TNIK: variants seen among roughly 807,000 people sequenced by gnomAD.
The protein encoded by TNIK is TRAF2 and NCK-interacting protein kinase.
Under a neutral mutation model 191.3 loss-of-function variants are expected in TNIK, and 49 were observed. That is an observed-to-expected ratio of 0.26 (90% CI 0.20 to 0.32). TNIK has a LOEUF of 0.32. TNIK is among the 10% of genes least tolerant of loss of function. The pLI, the probability that TNIK is intolerant of heterozygous loss-of-function variation, is 1.00. For synonymous variants in TNIK, 594 were observed against 600.9 expected, an observed-to-expected ratio of 0.99 and a Z score of 0.17; for missense variants, 1,155 against 1,702.3, an observed-to-expected ratio of 0.68 and a Z score of 5.66.
chr3:171,078,657 T>C (rs772420982), intron 28 of TNIK, among the ~76,000 whole-genome samples: 2 of 152,216 alleles, frequency 1.3e-5, no homozygotes, highest in Non-Finnish European at 2.9e-5. Context: ...TCCTTCATAT[T>C]TGTGAATTTC....
chr3:171,305,711 T>A (rs1400092635), intron 2 of TNIK, among the ~76,000 whole-genome samples: 1 of 151,948 alleles, frequency 6.6e-6, no homozygotes, highest in Non-Finnish European at 1.5e-5. Context: ...AAGTAAAAAA[T>A]TAACAGATGC....
At chr3:171,212,443 GTCCCATTAC>G (rs1237325508) in intron 3 of TNIK, among the ~76,000 whole-genome samples, 1 of 152,082 alleles carries the variant, frequency 6.6e-6, no homozygotes, top group Admixed American at 6.6e-5. Flanking sequence ...ATGGAGGTAT[GTCCCATTAC>G]TCGACTCTCT....
intron 1 of TNIK, among the ~76,000 whole-genome samples, chr3:171,436,119 C>T (rs1038928460): frequency 1.2e-4 from 19 of 152,324 alleles, no homozygotes; most frequent in African/African-American, 4.6e-4. Flanking sequence ...AACTCCCACT[C>T]CTGACCTTCC....
chr3:171,392,224 C>A lies in TNIK; in HGVS notation c.58-22539G>T, dbSNP rs144771089. On this transcript the variant is annotated intron_variant, in intron 1 of 32. Transcript: ENST00000436636. ...ATACTGGGAAATAGGGACAGTGATA[C>A]AAATGACAATAAGATAAAACAATAA... Among the ~76,000 whole-genome samples, 399 of 152,182 alleles carry A rather than the reference C, an allele frequency of 2.6e-3. 1 individual carries two copies. The highest frequency in any genetic ancestry group is 8.7e-3 in the African/African-American group (363 of 41,512).
intron 2 of TNIK, among the ~76,000 whole-genome samples, chr3:171,307,779 AC>A (rs1021034068): frequency 1.3e-5 from 2 of 152,096 alleles, no homozygotes; most frequent in African/African-American, 4.8e-5. Flanking sequence ...GATCTCTGAG[AC>A]CCTTTCAGGG....
intron 15 of TNIK, among the ~76,000 whole-genome samples, chr3:171,129,984 T>C (rs1414379833): frequency 6.6e-6 from 1 of 152,220 alleles, no homozygotes. Context: ...ACCAGGACAA[T>C]GCAACCATTC....
Position 171,068,845 on chromosome 3 carries a change from T to C in TNIK, c.3699+3A>G. 2.5e-6 allele frequency: 4 copies of C among 1,611,970 alleles called. No individual in the cohort carries two copies. The highest frequency in any genetic ancestry group is 3.4e-6 in the Non-Finnish European group (4 of 1,178,966). ...CCTTGAAAGTCTACTTCTGAGTACT[T>C]ACATGAGATGGTATGTAGATATCAT... On this transcript the variant is annotated splice_donor_region_variant and intron_variant, in intron 30 of 32. Transcript: ENST00000436636.
intron 10 of TNIK, among the ~76,000 whole-genome samples, chr3:171,162,023 C>A (rs1201882150): frequency 1.3e-5 from 2 of 152,282 alleles, no homozygotes; most frequent in Non-Finnish European, 2.9e-5. Context: ...ATGGTATTAA[C>A]CATTTTTAAA....
intron 13 of TNIK, among the ~76,000 whole-genome samples, chr3:171,139,821 C>A (rs920722688): frequency 6.6e-6 from 1 of 152,126 alleles, no homozygotes; most frequent in Non-Finnish European, 1.5e-5. Context: ...TTAATAAGCC[C>A]AGCTACATGT....
chr3:171,295,544 T>C (rs1752197229), intron 2 of TNIK, among the ~76,000 whole-genome samples: 1 of 152,218 alleles, frequency 6.6e-6, no homozygotes, highest in Non-Finnish European at 1.5e-5. Flanking sequence ...GTAATCACAA[T>C]TTACCAATCC....
chr3:171,065,548 C>T (rs1338072785), intron 32 of TNIK, among the ~76,000 whole-genome samples: 2 of 152,210 alleles, frequency 1.3e-5, no homozygotes, highest in Non-Finnish European at 2.9e-5. Flanking sequence ...GGTTACTCTA[C>T]AGGGAGGGTA....
At chr3:171,072,770 C>T (rs1463648200) in intron 28 of TNIK, among the ~76,000 whole-genome samples, 1 of 151,874 alleles carries the variant, frequency 6.6e-6, no homozygotes, top group African/African-American at 2.4e-5. Context: ...CAATAATGCT[C>T]AAGCTGAGAA....
chr3:171,316,970 TATG>T (rs1288322390), intron 2 of TNIK, among the ~76,000 whole-genome samples: 5 of 139,318 alleles, frequency 3.6e-5, no homozygotes, highest in Non-Finnish European at 4.6e-5. Context: ...TATATAATTA[TATG>T]ATATATATCA....
intron 2 of TNIK, among the ~76,000 whole-genome samples, chr3:171,324,674 G>A (rs1221962959): frequency 2.0e-5 from 3 of 152,078 alleles, no homozygotes; most frequent in Non-Finnish European, 4.4e-5. Flanking sequence ...GAGGACTGCA[G>A]GTAGCTAAGC....
chr3:171,237,732 A>G (rs1271628231), intron 2 of TNIK, among the ~76,000 whole-genome samples: 1 of 152,120 alleles, frequency 6.6e-6, no homozygotes, highest in Non-Finnish European at 1.5e-5. Context: ...GACCAGCCTG[A>G]GCAATATAGT....
chr3:171,364,663 CAG>C (rs1362500801), intron 2 of TNIK, among the ~76,000 whole-genome samples: 1 of 152,056 alleles, frequency 6.6e-6, no homozygotes, highest in African/African-American at 2.4e-5. Context: ...TAAGATAATT[CAG>C]AGAGTGGCAA....
chr3:171,059,872 G>GTTA lies in TNIK; in HGVS notation c.*4008_*4009insTAA, dbSNP rs1408018633. Among the ~76,000 whole-genome samples the GTTA allele has an allele frequency of 2.6e-5, 4 of 152,164 alleles. No individual in the cohort carries two copies. The highest frequency in any genetic ancestry group is 5.9e-5 in the Non-Finnish European group (4 of 68,016). ...ACTAAAAGGTAACTAACAAGTTAGA[G>GTTA]ACTGTTGAAATGATCAGAACATGGT... On this transcript the variant is annotated 3_prime_UTR_variant, in exon 33 of 33. Transcript: ENST00000436636.
chr3:171,231,317 G>GTTTT (rs569192908), intron 2 of TNIK, among the ~76,000 whole-genome samples: 9 of 139,934 alleles, frequency 6.4e-5, no homozygotes, highest in African/African-American at 1.1e-4. Context: ...TTGTTGTTTT[G>GTTTT]TTTTTTTTTT....
intron 4 of TNIK, among the ~76,000 whole-genome samples, chr3:171,198,433 C>T (rs945611712): frequency 4.6e-5 from 7 of 151,786 alleles, no homozygotes; most frequent in African/African-American, 1.5e-4. Context: ...AGTGTTCTTT[C>T]GGGGTGATGG....
Sources: gnomAD v4.1 joint callset for allele counts (sites outside exome capture counted in the v4.1 genomes callset) on GRCh38, gnomAD v4.1.1 for gene constraint, MANE v1.5 for transcripts, NCBI Gene and HGNC (gene_info 2026-07-23, HGNC 2026-07-21) for gene names.